DPP6: variants seen among roughly 807,000 people sequenced by gnomAD.
The protein encoded by DPP6 is dipeptidyl peptidase like 6.
DPP6 carries 69 observed loss-of-function variants against 122.6 expected under a neutral mutation model. The ratio of observed to expected loss-of-function variants is 0.56; its 90% CI spans 0.46 to 0.69. The LOEUF (loss-of-function observed/expected upper bound fraction) is 0.69. DPP6 is among the 30% of genes least tolerant of loss of function. DPP6 has a pLI of 0.00. For synonymous variants in DPP6, 418 were observed against 433.1 expected, an observed-to-expected ratio of 0.97 and a Z score of 0.43; for missense variants, 928 against 1,116.9, an observed-to-expected ratio of 0.83 and a Z score of 2.41.
chr7:154,837,532 T>G (rs1479627840), intron 16 of DPP6, among the ~76,000 whole-genome samples: 1 of 152,212 alleles, frequency 6.6e-6, no homozygotes, highest in African/African-American at 2.4e-5. Context: ...GAGCCAGCTC[T>G]GGGGGTGGGG....
At chr7:154,577,608 T>A (rs1219246308) in intron 5 of DPP6, among the ~76,000 whole-genome samples, 1 of 152,100 alleles carries the variant, frequency 6.6e-6, no homozygotes, top group Non-Finnish European at 1.5e-5. Context: ...ACCAGTGACA[T>A]GCCTGTAATT....
intron 1 of DPP6, among the ~76,000 whole-genome samples, chr7:153,903,469 T>C (rs1799723461): frequency 1.3e-5 from 2 of 152,168 alleles, no homozygotes; most frequent in Admixed American, 1.3e-4. Flanking sequence ...TCAAAGAAGT[T>C]CAATGAGAAA....
At chr7:154,881,697 C>T (rs1472057306) in intron 21 of DPP6, among the ~76,000 whole-genome samples, 1 of 152,224 alleles carries the variant, frequency 6.6e-6, no homozygotes, top group Non-Finnish European at 1.5e-5. Flanking sequence ...TCATCGCCTC[C>T]AAAACCTCAG....
chr7:153,898,814 A>C (rs573396404), intron 1 of DPP6, among the ~76,000 whole-genome samples: 68 of 152,334 alleles, frequency 4.5e-4, no homozygotes, highest in African/African-American at 1.6e-3. Flanking sequence ...CTCAGGTCTT[A>C]CCTGACTTAC....
At chr7:154,062,990 G>C (rs1228752033) in intron 1 of DPP6, among the ~76,000 whole-genome samples, 2 of 133,992 alleles carry the variant, frequency 1.5e-5, no homozygotes, top group African/African-American at 5.4e-5. Flanking sequence ...GAATTACTGA[G>C]AGCCAGTCCC....
chr7:154,203,491 G>A lies in DPP6; in HGVS notation c.243+150428G>A, dbSNP rs116116218. ...AAGCCTGTCTGTGCTTACGGACTGGGCTCTGCACAGCTGTCACATCCTATC... is the reference window on the plus strand; with the variant it reads ...AAGCCTGTCTGTGCTTACGGACTGGACTCTGCACAGCTGTCACATCCTATC... On this transcript the variant is annotated intron_variant, in intron 1 of 25. Transcript: ENST00000377770. Among the ~76,000 whole-genome samples, 649 of 152,254 alleles carry A rather than the reference G, an allele frequency of 4.3e-3. 6 individuals carry two copies. Among genetic ancestry groups the A allele is most frequent in the African/African-American group, 0.015 (621 of 41,536 alleles).
chr7:153,942,527 G>C (rs1407012001), intron 1 of DPP6, among the ~76,000 whole-genome samples: 3 of 152,190 alleles, frequency 2.0e-5, no homozygotes, highest in Admixed American at 2.0e-4. Context: ...AGGTGGAGAG[G>C]AGGTCAGTAA....
At chr7:153,885,479 TCACAC>T (rs55859420), upstream of DPP6, among the ~76,000 whole-genome samples, 9,209 of 152,144 alleles carry the variant, frequency 0.061, 475 homozygotes, top group East Asian at 0.25. Context: ...GTGCCTTTCC[TCACAC>T]CATGTGATGC....
At chr7:154,834,765 AG>A (rs1800915927) in intron 16 of DPP6, among the ~76,000 whole-genome samples, 2 of 152,234 alleles carry the variant, frequency 1.3e-5, no homozygotes, top group Non-Finnish European at 2.9e-5. Context: ...TATTCATTGC[AG>A]AAATGATTAT....
At chr7:154,584,909 T>C (rs1007768060) in intron 5 of DPP6, among the ~76,000 whole-genome samples, 1 of 152,230 alleles carries the variant, frequency 6.6e-6, no homozygotes, top group African/African-American at 2.4e-5. Context: ...ATATAACATA[T>C]ACAATTTAAC....
intron 16 of DPP6, among the ~76,000 whole-genome samples, chr7:154,813,418 A>G (rs1461505317): frequency 6.6e-6 from 1 of 152,082 alleles, no homozygotes; most frequent in Non-Finnish European, 1.5e-5. Context: ...ACAAACCCAT[A>G]AATTATTTTT....
At chr7:154,494,282 C>T (rs938475308) in intron 3 of DPP6, among the ~76,000 whole-genome samples, 1 of 151,582 alleles carries the variant, frequency 6.6e-6, no homozygotes, top group Non-Finnish European at 1.5e-5. Context: ...CTTGAGCCTG[C>T]GAGGGACAGG....
At chr7:154,659,511 G>C (rs1238905660) in intron 6 of DPP6, among the ~76,000 whole-genome samples, 1 of 152,222 alleles carries the variant, frequency 6.6e-6, no homozygotes, top group African/African-American at 2.4e-5. Flanking sequence ...CTGCTAGGAA[G>C]CTCTGTGCTA....
chr7:154,205,523 G>A (rs1398091346), intron 1 of DPP6, among the ~76,000 whole-genome samples: 1 of 152,136 alleles, frequency 6.6e-6, no homozygotes, highest in Non-Finnish European at 1.5e-5. Context: ...CAATCTTGGA[G>A]GAATCCTGAT....
At chr7:154,732,148 C>A (rs488040) in intron 8 of DPP6, among the ~76,000 whole-genome samples, 43,161 of 151,670 alleles carry the variant, frequency 0.28, 6,543 homozygotes, top group South Asian at 0.49. Context: ...ACACCATTCT[C>A]CTGCCTCAGC....
Position 154,241,185 on chromosome 7 carries a change from A to ATGCGTGTGTGTG in DPP6, c.243+188124_243+188125insCGTGTGTGTGTG, listed in dbSNP as rs34454400. 0.27 allele frequency among the ~76,000 whole-genome samples: 37,079 copies of ATGCGTGTGTGTG among 135,558 alleles called. 5,535 individuals carry two copies. The highest frequency in any genetic ancestry group is 0.39 in the East Asian group (1,808 of 4,650). The allele number at this position is 135,558 out of a possible 152,430, so 88.9% of individuals were successfully genotyped here. A position where few individuals can be genotyped will look rare whatever the true frequency, so the allele number is the denominator to read the frequency against. On this transcript the variant is annotated intron_variant, in intron 1 of 25. Transcript: ENST00000377770. The surrounding 1 kb of genome is among the most constrained non-coding windows in gnomAD (Gnocchi z 9.0). ...GCACAGTAGGTAATTCAATATCAATATGTGTGTGTGTGTGTGTGTGTGTGT... is the reference window on the plus strand; with the variant it reads ...GCACAGTAGGTAATTCAATATCAATATGCGTGTGTGTGTGTGTGTGTGTGTGTGTGTGTGTGT...
chr7:154,226,649 G>C (rs759761419), intron 1 of DPP6, among the ~76,000 whole-genome samples: 1 of 152,148 alleles, frequency 6.6e-6, no homozygotes. Context: ...ATTTTTTCAG[G>C]ATCGACTCTA....
intron 1 of DPP6, among the ~76,000 whole-genome samples, chr7:154,194,266 G>C (rs1298813293): frequency 1.3e-5 from 2 of 152,140 alleles, no homozygotes; most frequent in East Asian, 3.9e-4. Context: ...CAAAAATCTA[G>C]ATGTCAGAAA....
At chr7:154,226,320 G>T (rs116233619) in intron 1 of DPP6, among the ~76,000 whole-genome samples, 22,115 of 152,138 alleles carry the variant, frequency 0.15, 2,892 homozygotes, top group African/African-American at 0.35. Flanking sequence ...TTTGTCTTAT[G>T]CCAGATGTGA....
Sources: allele counts gnomAD v4.1 joint callset (sites outside exome capture counted in the v4.1 genomes callset), GRCh38; gene constraint gnomAD v4.1.1; non-coding constraint Gnocchi (gnomAD v3.1); transcripts MANE v1.5; gene names NCBI Gene and HGNC (gene_info 2026-07-23, HGNC 2026-07-21).